Variants in PAX2 observed in about 807,000 individuals in gnomAD.
PAX2 encodes paired box 2.
In PAX2, 9 loss-of-function variants were observed where a neutral mutation model predicts 41.7. The ratio of observed to expected loss-of-function variants is 0.22; its 90% confidence interval spans 0.13 to 0.38. The LOEUF (loss-of-function observed/expected upper bound fraction) is 0.38, where lower values mean the gene tolerates loss of function less well. PAX2 is among the 10% of genes least tolerant of loss of function. The pLI is 1.00. For synonymous variants in PAX2, 221 were observed against 212.7 expected, an observed-to-expected ratio of 1.04 and a Z score of -0.34; for missense variants, 418 against 531.6, an observed-to-expected ratio of 0.79 and a Z score of 2.10.
At chr10:100,754,971 C>G (rs1450324227) in intron 3 of PAX2, among the ~76,000 whole-genome samples, 1 of 152,182 alleles carries the variant, frequency 6.6e-6, no homozygotes, top group East Asian at 1.9e-4. Flanking sequence ...ATGGCAGAAA[C>G]AAGGACAGGG....
intron 5 of PAX2, among the ~76,000 whole-genome samples, chr10:100,804,689 A>G (rs1847696816): frequency 6.6e-6 from 1 of 152,228 alleles, no homozygotes; most frequent in Non-Finnish European, 1.5e-5. Context: ...ATTTCCACAC[A>G]CGCAGACCCT....
rs533793068 is a variant in PAX2 at position 100,813,871 on chromosome 10, A to C, written c.919+4635A>C. On this transcript the variant is annotated intron_variant, in intron 7 of 9. Transcript: ENST00000355243. ...GGCACATGGGACTCCCACAGGGGGA[A>C]GAAAAAACCCCACCACTAATGATGA... is the stretch of plus-strand genomic sequence containing the variant. 1.3e-3 allele frequency among the ~76,000 whole-genome samples: 191 copies of C among 152,316 alleles called. 1 individual carries two copies. The highest frequency in any genetic ancestry group is 4.5e-3 in the African/African-American group (186 of 41,566).
intron 3 of PAX2, among the ~76,000 whole-genome samples, chr10:100,758,379 A>C (rs1438280423): frequency 2.6e-5 from 4 of 151,980 alleles, no homozygotes; most frequent in Admixed American, 2.0e-4. Flanking sequence ...TGACCTCGTG[A>C]TCCGCCCGCC....
At chr10:100,806,802 T>G (rs979594006) in intron 6 of PAX2, among the ~76,000 whole-genome samples, 197 bp downstream of exon 6, 6 of 152,162 alleles carry the variant, frequency 3.9e-5, no homozygotes, top group African/African-American at 1.4e-4. Flanking sequence ...GGTCTGTATA[T>G]GGTAATTAGA....
intron 5 of PAX2, chr10:100,786,921 G>T (rs927322006): frequency 7.4e-7 from 1 of 1,360,328 alleles, no homozygotes; most frequent in South Asian, 1.1e-5. Flanking sequence ...CTCAGTGTTT[G>T]TCTGTCTCTT....
In PAX2 at chr10:100,781,276, G is replaced by C. The variant is rs201925042; in HGVS notation, c.527G>C (p.Ser176Thr). 1.6e-5 allele frequency: 26 copies of C among 1,613,910 alleles called. No homozygotes were observed. The South Asian group carries it at 2.6e-4, about 16-fold the overall frequency. ...VPSTASPPVS[S>T]ASNDPVGSYS... ...AGCACGGCCTCCCCTCCTGTTTCCA[G>C]CGCCTCCAATGACCCAGTGGGATCC... The change falls in exon 5 of 10, where the codon AGC (serine) becomes ACC (threonine). Residue 176 changes from serine to threonine, a missense_variant. Ser to Thr is a moderately conservative substitution (Grantham distance 58). This residue lies in a region of PAX2 where 310 missense variants were observed against 325.2 expected (regional missense o/e 0.95). Transcript: ENST00000355243.
At chr10:100,765,194 C>G (rs1217720955) in intron 3 of PAX2, among the ~76,000 whole-genome samples, 1 of 152,216 alleles carries the variant, frequency 6.6e-6, no homozygotes, top group Non-Finnish European at 1.5e-5. Context: ...CTCCAACTAA[C>G]TGGACAACTG....
intron 1 of PAX2, chr10:100,747,951 G>A (rs1385111607): frequency 1.0e-6 from 1 of 982,872 alleles, no homozygotes; most frequent in Non-Finnish European, 1.2e-6. Flanking sequence ...GAAACCCAAA[G>A]GTTTCTGCAC....
intron 5 of PAX2, among the ~76,000 whole-genome samples, chr10:100,795,416 A>G (rs1163216551): frequency 6.6e-6 from 1 of 152,204 alleles, no homozygotes; most frequent in African/African-American, 2.4e-5. Flanking sequence ...TGATGAACGA[A>G]AAAAACAAAG....
intron 5 of PAX2, among the ~76,000 whole-genome samples, chr10:100,793,205 A>C (rs989730378): frequency 6.6e-6 from 1 of 152,206 alleles, no homozygotes; most frequent in African/African-American, 2.4e-5. Context: ...GGAAAGGGCT[A>C]GGGTCCCAGG....
intron 5 of PAX2, among the ~76,000 whole-genome samples, chr10:100,792,369 C>T (rs1054261834): frequency 3.3e-5 from 5 of 152,178 alleles, no homozygotes; most frequent in East Asian, 3.9e-4. Flanking sequence ...AGAGGAAGTC[C>T]GCAGCATAGG....
Position 100,824,518 on chromosome 10 carries a change from C to T in PAX2, c.920-130C>T. 1 of 762,874 alleles carries T rather than the reference C, an allele frequency of 1.3e-6. No homozygotes were observed. The highest frequency in any genetic ancestry group is 2.4e-5 in the East Asian group (1 of 40,908). The allele number at this position is 762,874 out of a possible 1,614,324, so 47.3% of individuals were successfully genotyped here. The stretch of plus-strand genomic sequence containing the variant: ...TGGCGCATTCAGGTGCACAGTGGCA[C>T]ACATACCCCTGCACGTCTGCACAGA... On this transcript the variant is annotated intron_variant, in intron 7 of 9. Transcript: ENST00000355243. The surrounding 1 kb of genome is among the most constrained non-coding windows in gnomAD (Gnocchi z 6.6).
upstream of PAX2, among the ~76,000 whole-genome samples, chr10:100,741,575 C>G (rs900231799): frequency 6.6e-6 from 1 of 152,152 alleles, no homozygotes; most frequent in Non-Finnish European, 1.5e-5. Flanking sequence ...TGGGATCTGA[C>G]AGCCGAGGGT....
chr10:100,781,138 C>CTCCT, intron 4 of PAX2, 108 bp from the exon 5 acceptor site: 1 of 1,122,458 alleles, frequency 8.9e-7, no homozygotes, highest in Middle Eastern at 2.0e-4. Context: ...CTCCTCATCC[C>CTCCT]TCCTTATGTC....
At chr10:100,740,216 T>G (rs1844904215) in intron 1 of PAX2, among the ~76,000 whole-genome samples, 1 of 152,194 alleles carries the variant, frequency 6.6e-6, no homozygotes, top group Non-Finnish European at 1.5e-5. Flanking sequence ...TTTGGCGGAC[T>G]GGCTGAAGAG....
chr10:100,782,376 C>T (rs1172530847), intron 5 of PAX2, among the ~76,000 whole-genome samples: 1 of 152,252 alleles, frequency 6.6e-6, no homozygotes, highest in Non-Finnish European at 1.5e-5. Context: ...TCTCCCTTTT[C>T]TCTCAAAAAT....
intron 1 of PAX2, chr10:100,747,716 A>G: frequency 1.0e-6 from 1 of 984,940 alleles, no homozygotes; most frequent in Non-Finnish European, 1.2e-6. Context: ...TTTTCTAAGT[A>G]ATTTCCAAGC....
Position 100,750,322 on chromosome 10 carries a change from CTGTG to C in PAX2, c.213-371_213-368del, listed in dbSNP as rs1352603118. On this transcript the variant is annotated intron_variant, in intron 2 of 9. Transcript: ENST00000355243. The surrounding 1 kb of genome is among the most constrained non-coding windows in gnomAD (Gnocchi z 4.1). ...GAGGGTCCTGGTTCCCACAGATGCT[CTGTG>C]CCCAGTAGGAAAGGGCTCGAGGTGG... 3.3e-5 allele frequency among the ~76,000 whole-genome samples: 5 copies of C among 152,106 alleles called. No individual in the cohort carries two copies. Among genetic ancestry groups the C allele is most frequent in the Admixed American group, 3.3e-4 (5 of 15,282 alleles).
At chr10:100,771,543 C>T (rs1160790267) in intron 3 of PAX2, among the ~76,000 whole-genome samples, 1 of 152,082 alleles carries the variant, frequency 6.6e-6, no homozygotes, top group Non-Finnish European at 1.5e-5. Flanking sequence ...TTTTTCAGTT[C>T]CTGGGGTATA....
Sources: gnomAD v4.1 joint callset for allele counts (sites outside exome capture counted in the v4.1 genomes callset) on GRCh38, gnomAD v4.1.1 for gene constraint, gnomAD v4.1.1 regional missense constraint, Gnocchi (gnomAD v3.1) non-coding constraint, MANE v1.5 for transcripts, NCBI Gene and HGNC (gene_info 2026-07-23, HGNC 2026-07-21) for gene names.